The following SAMD12 variants were observed in gnomAD, a reference collection of about 807,000 sequenced individuals.
SAMD12 encodes sterile alpha motif domain containing 12.
In SAMD12, 9 loss-of-function variants were observed where a neutral mutation model predicts 15.0. The ratio of observed to expected loss-of-function variants is 0.60; its 90% CI spans 0.36 to 1.05. The LOEUF (loss-of-function observed/expected upper bound fraction) is 1.05, where lower values mean the gene tolerates loss of function less well. SAMD12 is among the 50% of genes least tolerant of loss of function. SAMD12 has a pLI of 0.01. For missense variants in SAMD12, 230 were observed against 234.2 expected, an observed-to-expected ratio of 0.98 and a Z score of 0.12; for synonymous variants, 86 against 90.1, an observed-to-expected ratio of 0.96 and a Z score of 0.25.
intron 4 of SAMD12, among the ~76,000 whole-genome samples, chr8:118,290,054 A>G (rs1454443525): frequency 6.6e-6 from 1 of 152,236 alleles, no homozygotes; most frequent in Non-Finnish European, 1.5e-5. Context: ...AAAGACTCAA[A>G]TAAGGAAGAT....
chr8:118,549,536 T>C (rs1826253070), intron 2 of SAMD12, among the ~76,000 whole-genome samples: 1 of 152,014 alleles, frequency 6.6e-6, no homozygotes, highest in Non-Finnish European at 1.5e-5. Context: ...TCTGTATATC[T>C]CCATCATCAG....
chr8:118,460,065 TA>T (rs1353426145), intron 2 of SAMD12, among the ~76,000 whole-genome samples: 1 of 152,194 alleles, frequency 6.6e-6, no homozygotes. Context: ...ACATTTCTAT[TA>T]AAAAGCTTCT....
intron 2 of SAMD12, among the ~76,000 whole-genome samples, chr8:118,493,623 C>T (rs986905204): frequency 6.6e-6 from 1 of 152,128 alleles, no homozygotes; most frequent in African/African-American, 2.4e-5. Flanking sequence ...TGTGCATGTC[C>T]AATGTGATTG....
chr8:118,233,070 T>C (rs1029552462), intron 4 of SAMD12, among the ~76,000 whole-genome samples: 3 of 152,190 alleles, frequency 2.0e-5, no homozygotes, highest in African/African-American at 7.2e-5. Flanking sequence ...TGAATCTATT[T>C]TTTTTCCATT....
intron 1 of SAMD12, among the ~76,000 whole-genome samples, chr8:118,581,189 G>A (rs1428282216): frequency 6.6e-6 from 1 of 152,156 alleles, no homozygotes; most frequent in African/African-American, 2.4e-5. Context: ...ATCAGGCAAC[G>A]TTGTTACTGC....
chr8:118,304,538 T>A (rs1815210996), intron 4 of SAMD12, among the ~76,000 whole-genome samples: 1 of 151,976 alleles, frequency 6.6e-6, no homozygotes, highest in African/African-American at 2.4e-5. Context: ...GCCGGGTGGA[T>A]CATGAGGTCA....
intron 2 of SAMD12, among the ~76,000 whole-genome samples, chr8:118,476,850 T>C (rs1823973154): frequency 6.6e-6 from 1 of 152,218 alleles, no homozygotes; most frequent in Non-Finnish European, 1.5e-5. Context: ...TTTGTTTCTT[T>C]AGCTCGAGTA....
intron 4 of SAMD12, among the ~76,000 whole-genome samples, chr8:118,355,697 A>G (rs1818196231): frequency 6.6e-6 from 1 of 152,184 alleles, no homozygotes; most frequent in Admixed American, 6.5e-5. Flanking sequence ...ATTTTCTAAA[A>G]CATTAGAAAT....
intron 3 of SAMD12, among the ~76,000 whole-genome samples, chr8:118,409,301 G>C (rs1218027537): frequency 2.0e-5 from 3 of 152,042 alleles, no homozygotes; most frequent in Admixed American, 6.5e-5. Flanking sequence ...GAACAACTGT[G>C]TTTCTACAAT....
intron 1 of SAMD12, among the ~76,000 whole-genome samples, chr8:118,581,205 A>T (rs1332313431): frequency 6.6e-6 from 1 of 152,148 alleles, no homozygotes; most frequent in Non-Finnish European, 1.5e-5. Context: ...ACTGCTTCCC[A>T]CACACGCAAT....
the SAMD12 span, among the ~76,000 whole-genome samples, chr8:118,144,489 T>C: frequency 6.6e-6 from 1 of 152,214 alleles, no homozygotes; most frequent in Non-Finnish European, 1.5e-5. Context: ...AGACATTTAA[T>C]GATATTTGGT....
intron 2 of SAMD12, among the ~76,000 whole-genome samples, chr8:118,555,839 G>A (rs1826514807): frequency 6.6e-6 from 1 of 152,112 alleles, no homozygotes; most frequent in East Asian, 1.9e-4. Flanking sequence ...AACCAATGAA[G>A]CCTCTTTCCA....
the SAMD12 span, among the ~76,000 whole-genome samples, chr8:118,159,635 G>A: frequency 2.0e-5 from 3 of 152,182 alleles, no homozygotes; most frequent in African/African-American, 7.2e-5. Context: ...GTACTCAGAA[G>A]GGCTTTATTT....
intron 4 of SAMD12, among the ~76,000 whole-genome samples, chr8:118,292,305 TATA>T (rs924538254): frequency 7.1e-6 from 1 of 139,994 alleles, no homozygotes; most frequent in Non-Finnish European, 1.5e-5. Flanking sequence ...AAATAAACAA[TATA>T]ATAATAATAA....
At chr8:118,332,579 G>C (rs1305033958) in intron 4 of SAMD12, among the ~76,000 whole-genome samples, 1 of 152,216 alleles carries the variant, frequency 6.6e-6, no homozygotes, top group Non-Finnish European at 1.5e-5. Context: ...TGATAGGAAG[G>C]AGCCCTGGGA....
chr8:118,257,122 GCT>G (rs1403554000), intron 4 of SAMD12, among the ~76,000 whole-genome samples: 1 of 152,016 alleles, frequency 6.6e-6, no homozygotes, highest in Non-Finnish European at 1.5e-5. Context: ...ACTGATGGCT[GCT>G]CTCTGTTATG....
chr8:118,418,357 C>G (rs1049800560), intron 3 of SAMD12, among the ~76,000 whole-genome samples: 4 of 152,052 alleles, frequency 2.6e-5, no homozygotes, highest in South Asian at 2.1e-4. Flanking sequence ...CTAAAAACAT[C>G]CAACTCAAAT....
chr8:118,296,196 G>C (rs1814701549), intron 4 of SAMD12, among the ~76,000 whole-genome samples: 1 of 152,060 alleles, frequency 6.6e-6, no homozygotes, highest in Non-Finnish European at 1.5e-5. Context: ...AAGGCCAGTG[G>C]GACCATCACA....
chr8:118,380,865 C>T (rs928824787), intron 3 of SAMD12, among the ~76,000 whole-genome samples: 22 of 152,158 alleles, frequency 1.4e-4, no homozygotes, highest in Admixed American at 1.4e-3. Flanking sequence ...AGTTTATATG[C>T]TGTTGTAAAA....
Sources: gnomAD v4.1 joint callset for allele counts (sites outside exome capture counted in the v4.1 genomes callset) on GRCh38, gnomAD v4.1.1 for gene constraint, MANE v1.5 for transcripts, NCBI Gene and HGNC (gene_info 2026-07-23, HGNC 2026-07-21) for gene names.